SCAPER: variants seen among roughly 807,000 people sequenced by gnomAD.
SCAPER encodes the protein S phase cyclin A-associated protein in the endoplasmic reticulum.
Under a neutral mutation model 182.2 loss-of-function variants are expected in SCAPER, and 98 were observed. The ratio of observed to expected loss-of-function variants is 0.54; its 90% confidence interval spans 0.46 to 0.64. SCAPER has a LOEUF of 0.64. Among genes scored for constraint, SCAPER ranks in the 30% least tolerant of loss-of-function variants. The pLI is 0.00. For synonymous variants in SCAPER, 605 were observed against 564.6 expected, an observed-to-expected ratio of 1.07 and a Z score of -1.01; for missense variants, 1,432 against 1,690.0, an observed-to-expected ratio of 0.85 and a Z score of 2.68.
At chr15:76,762,964 A>C (rs1466655051) in intron 14 of SCAPER, among the ~76,000 whole-genome samples, 1 of 152,134 alleles carries the variant, frequency 6.6e-6, no homozygotes, top group Admixed American at 6.5e-5. Context: ...GCCTTCTTTA[A>C]AGTTTTATAT....
chr15:76,826,221 A>T (rs2151682199), intron 5 of SCAPER, among the ~76,000 whole-genome samples: 1 of 152,112 alleles, frequency 6.6e-6, no homozygotes, highest in East Asian at 1.9e-4. Flanking sequence ...ACCATGGAAT[A>T]CTATGCAGTC....
At chr15:76,663,514 T>C (rs1482291182) in intron 21 of SCAPER, among the ~76,000 whole-genome samples, 1 of 151,878 alleles carries the variant, frequency 6.6e-6, no homozygotes, top group Non-Finnish European at 1.5e-5. Flanking sequence ...ATACAATGGA[T>C]ATAGTCAGCA....
At chr15:76,769,212 G>A (rs1243788035) in intron 10 of SCAPER, among the ~76,000 whole-genome samples, 1 of 152,052 alleles carries the variant, frequency 6.6e-6, no homozygotes, top group African/African-American at 2.4e-5. Flanking sequence ...GGAGGCCGAG[G>A]CGGGTGGATC....
intron 5 of SCAPER, among the ~76,000 whole-genome samples, chr15:76,824,541 C>G (rs1477420348): frequency 1.3e-5 from 2 of 152,164 alleles, no homozygotes; most frequent in Non-Finnish European, 2.9e-5. Flanking sequence ...AAAAAATGAG[C>G]TTTACCAAAA....
At chr15:76,668,923 G>A (rs995355488) in intron 20 of SCAPER, among the ~76,000 whole-genome samples, 15 of 152,128 alleles carry the variant, frequency 9.9e-5, no homozygotes, top group African/African-American at 3.6e-4. Context: ...CATTCATCTC[G>A]TCCTTACAAC....
At chr15:76,706,142 C>T (rs1348237268) in intron 17 of SCAPER, among the ~76,000 whole-genome samples, 158 bp from the exon 18 acceptor site, 1 of 152,036 alleles carries the variant, frequency 6.6e-6, no homozygotes, top group Non-Finnish European at 1.5e-5. Flanking sequence ...AGGTATATTG[C>T]TAATTAAATA....
chr15:76,758,804 CTTAAG>C (rs1477601446), intron 14 of SCAPER, among the ~76,000 whole-genome samples: 4 of 152,214 alleles, frequency 2.6e-5, no homozygotes, highest in Middle Eastern at 3.4e-3. Flanking sequence ...CAACTCCCTG[CTTAAG>C]TTAATTCCTA....
At chr15:76,718,557 C>G (rs1201703931) in intron 17 of SCAPER, among the ~76,000 whole-genome samples, 1 of 151,884 alleles carries the variant, frequency 6.6e-6, no homozygotes, top group Non-Finnish European at 1.5e-5. Flanking sequence ...ACAAGAATCA[C>G]TTGAACCTGG....
In SCAPER at chr15:76,783,703, T is replaced by C. The variant is rs770852579; in HGVS notation, c.773-8586A>G. ...CTTATCCACCACCATCAAGTTGGCT[T>C]CATCCCTGGGATGCAAGGCTGGTTC... On this transcript the variant is annotated intron_variant, in intron 8 of 31. Transcript: ENST00000563290. Among the ~76,000 whole-genome samples, 12 of 152,212 alleles carry C rather than the reference T, an allele frequency of 7.9e-5. 1 individual carries two copies. Among genetic ancestry groups the C allele is most frequent in the Non-Finnish European group, 1.3e-4 (9 of 68,036 alleles).
chr15:76,810,440 A>C (rs937689026), intron 5 of SCAPER, among the ~76,000 whole-genome samples: 2 of 151,842 alleles, frequency 1.3e-5, no homozygotes, highest in South Asian at 4.2e-4. Context: ...AGATCATTAT[A>C]ACAATAAAAT....
intron 16 of SCAPER, among the ~76,000 whole-genome samples, chr15:76,731,608 C>A (rs976097257): frequency 1.3e-5 from 2 of 152,180 alleles, no homozygotes; most frequent in Non-Finnish European, 1.5e-5. Context: ...AGTGCCTGTA[C>A]AGCAAGTAAT....
chr15:76,626,961 A>T (rs891418121), intron 21 of SCAPER, among the ~76,000 whole-genome samples: 3 of 152,230 alleles, frequency 2.0e-5, no homozygotes, highest in Non-Finnish European at 2.9e-5. Flanking sequence ...AGAGCAAAAG[A>T]TTAAAATGTG....
intron 24 of SCAPER, among the ~76,000 whole-genome samples, chr15:76,482,139 A>C (rs776806527): frequency 2.0e-5 from 3 of 151,840 alleles, no homozygotes; most frequent in Non-Finnish European, 2.9e-5. Flanking sequence ...TCAAAGGTTC[A>C]CTCTTCAAGG....
chr15:76,716,342 G>A (rs1455223657), intron 17 of SCAPER, among the ~76,000 whole-genome samples: 1 of 152,052 alleles, frequency 6.6e-6, no homozygotes, highest in African/African-American at 2.4e-5. Context: ...TGTAAAGTTG[G>A]AAAGATATGA....
chr15:76,584,005 T>A (rs569336643), intron 22 of SCAPER, among the ~76,000 whole-genome samples: 1 of 152,192 alleles, frequency 6.6e-6, no homozygotes, highest in African/African-American at 2.4e-5. Context: ...ATAGCCAAGA[T>A]TTGGAAGCAA....
intron 2 of SCAPER, among the ~76,000 whole-genome samples, chr15:76,873,429 T>C (rs937343361): frequency 1.3e-5 from 2 of 151,258 alleles, no homozygotes; most frequent in Non-Finnish European, 2.9e-5. Context: ...ACATAAATAA[T>C]GGGCTTATAG....
intron 27 of SCAPER, among the ~76,000 whole-genome samples, chr15:76,400,699 C>A (rs1246518868): frequency 6.6e-6 from 1 of 152,134 alleles, no homozygotes; most frequent in Non-Finnish European, 1.5e-5. Context: ...AGCCAGGAAA[C>A]CACCTGGACC....
Position 76,733,322 on chromosome 15 carries a change from TGA to T in SCAPER, c.1927_1928del (p.Ser643LysfsTer6). The T allele has an allele frequency of 6.2e-7, 1 of 1,613,552 alleles. No individual in the cohort carries two copies. The highest frequency in any genetic ancestry group is 1.1e-5 in the South Asian group (1 of 90,984). On this transcript the variant is annotated frameshift_variant, in exon 16 of 32. Coordinates refer to ENST00000563290, the MANE Select transcript of SCAPER (RefSeq NM_020843.4). LOFTEE classifies it high-confidence loss of function. Reference sequence around the variant, plus strand: ...GCCTCTGTTCATATTCCTTCAATTTTGATAAAACATCATGACGTTTATTCTGG... The same window carrying T: ...GCCTCTGTTCATATTCCTTCAATTTTTAAAACATCATGACGTTTATTCTGG... Reference protein sequence around the residue: ...EAQNKRHDVLSKLKEYEQRLN... With the variant: ...EAQNKRHDVLXKLKEYEQRLN...
At chr15:76,903,576 A>T (rs968683376) in intron 1 of SCAPER, among the ~76,000 whole-genome samples, 3 of 152,188 alleles carry the variant, frequency 2.0e-5, no homozygotes, top group Non-Finnish European at 2.9e-5. Context: ...GCAGGCTATC[A>T]CCAAACACTG....
Sources: allele counts gnomAD v4.1 joint callset (sites outside exome capture counted in the v4.1 genomes callset), GRCh38; gene constraint gnomAD v4.1.1; transcripts MANE v1.5; gene names NCBI Gene and HGNC (gene_info 2026-07-23, HGNC 2026-07-21).